The following NTRK1 variants were observed in gnomAD, a reference collection of about 807,000 sequenced individuals.
The protein encoded by NTRK1 is neurotrophic receptor tyrosine kinase 1.
NTRK1 carries 62 observed loss-of-function variants against 86.8 expected under a neutral mutation model. The ratio of observed to expected loss-of-function variants is 0.71; its 90% CI spans 0.58 to 0.88. The LOEUF (loss-of-function observed/expected upper bound fraction) is 0.88, where lower values mean the gene tolerates loss of function less well. Ranked by LOEUF, NTRK1 falls within the 40% of genes least tolerant of loss-of-function variation. The pLI is 0.00. For missense variants in NTRK1, 967 were observed against 1,078.4 expected, an observed-to-expected ratio of 0.90 and a Z score of 1.45; for synonymous variants, 469 against 456.6, an observed-to-expected ratio of 1.03 and a Z score of -0.35.
intron 1 of NTRK1, among the ~76,000 whole-genome samples, chr1:156,832,941 C>A (rs1270141492): frequency 1.3e-5 from 2 of 152,242 alleles, no homozygotes; most frequent in Non-Finnish European, 2.9e-5. Flanking sequence ...CTTCTTCACC[C>A]ACTGCAGGAC....
At chr1:156,864,689 C>T (rs912435859) in intron 2 of NTRK1, 39 bp from the exon 3 acceptor site, 3 of 1,607,990 alleles carry the variant, frequency 1.9e-6, no homozygotes, top group Admixed American at 3.3e-5. Flanking sequence ...CCCAGAGTAG[C>T]TGAGACCTGG....
rs1655117281 is a variant in NTRK1 at position 156,849,202 on chromosome 1, A to C, written c.50+7009A>C. ...CTCCCTCCCCCGGGTGTGCGTGTCT[A>C]GTGTGTGGCCGCGTGTCCACCGGCA... On this transcript the variant is annotated intron_variant, in intron 2 of 16. Coordinates refer to the NTRK1 transcript ENST00000392302. 6 of 1,607,190 alleles carry C rather than the reference A, an allele frequency of 3.7e-6. No individual in the cohort carries two copies. The South Asian group carries it at 6.6e-5, about 18-fold the overall frequency.
chr1:156,856,896 G>T (rs1197735081), upstream of NTRK1, among the ~76,000 whole-genome samples: 1 of 152,016 alleles, frequency 6.6e-6, no homozygotes, highest in East Asian at 1.9e-4. Flanking sequence ...AGGACCTTCC[G>T]TGGCTCCCCA....
chr1:156,843,574 A>T (rs1654879295), intron 2 of NTRK1: 5 of 1,300,634 alleles, frequency 3.8e-6, no homozygotes, highest in Non-Finnish European at 5.6e-6. Context: ...AGGAGGAGGG[A>T]AGTTACTGAC....
rs776087801 is a variant in NTRK1 at position 156,873,637 on chromosome 1, G to A, written c.855G>A (p.Pro285=). Residue 285 remains proline (P), a synonymous_variant, in exon 8 of 17, where the codon CCG becomes CCA. Transcript: ENST00000524377. The part of the protein sequence containing the change: ...EVSVQVNVSF[P]ASVQLHTAVE... The stretch of plus-strand genomic sequence containing the variant: ...GTTGCTCTTTCTGGCCCACAGTCCC[G>A]GCCAGTGTGCAGCTGCACACGGCGG... 8.1e-6 allele frequency: 13 copies of A among 1,610,344 alleles called. No homozygotes were observed. The highest frequency in any genetic ancestry group is 6.7e-5 in the African/African-American group (5 of 74,764).
At chr1:156,828,207 T>C (rs887850306) in intron 1 of NTRK1, among the ~76,000 whole-genome samples, 10 of 152,236 alleles carry the variant, frequency 6.6e-5, no homozygotes, top group Non-Finnish European at 2.9e-5. Flanking sequence ...TGGTTTTTAA[T>C]ATATTATAGA....
rs1655606352 is a variant in NTRK1 at position 156,860,887 on chromosome 1, G to A, written c.-48G>A. The A allele has an allele frequency of 6.4e-6, 9 of 1,401,698 alleles. No homozygotes were observed. In the South Asian group the frequency reaches 1.1e-4, roughly 17 times the overall value. The allele number at this position is 1,401,698 out of a possible 1,614,324, so 86.8% of individuals were successfully genotyped here. A position where few individuals can be genotyped will look rare whatever the true frequency, so the allele number is the denominator to read the frequency against. On this transcript the variant is annotated 5_prime_UTR_variant, in exon 1 of 17. Transcript: ENST00000524377. ...GGGGGAGGCCTGGCAGCTGCAGCTGGGAGCGCACAGACGGCTGCCCCGCCT... is the reference window on the plus strand; with the variant it reads ...GGGGGAGGCCTGGCAGCTGCAGCTGAGAGCGCACAGACGGCTGCCCCGCCT...
intron 6 of NTRK1, 44 bp downstream of exon 6, chr1:156,868,691 G>A (rs974436606): frequency 6.5e-7 from 1 of 1,547,356 alleles, no homozygotes; most frequent in African/African-American, 1.4e-5. Context: ...TCCAGGCAGA[G>A]CACAGGGGAC....
intron 1 of NTRK1, among the ~76,000 whole-genome samples, chr1:156,819,239 C>G (rs970610984): frequency 6.6e-6 from 1 of 152,128 alleles, no homozygotes; most frequent in Admixed American, 6.5e-5. Context: ...AACTCCTGAC[C>G]TCAGGTGATC....
intron 1 of NTRK1, among the ~76,000 whole-genome samples, chr1:156,835,466 T>C (rs1207540782): frequency 6.6e-6 from 1 of 151,694 alleles, no homozygotes; most frequent in Non-Finnish European, 1.5e-5. Flanking sequence ...TGTTTTTCCC[T>C]GCATGAATAA....
chr1:156,852,595 G>A (rs1373520566), intron 2 of NTRK1, among the ~76,000 whole-genome samples: 2 of 152,220 alleles, frequency 1.3e-5, no homozygotes, highest in African/African-American at 2.4e-5. Flanking sequence ...TGTGTGCAGG[G>A]AGGGGCCGAC....
At chr1:156,865,766 G>A (rs908774135) in intron 3 of NTRK1, among the ~76,000 whole-genome samples, 1 of 152,158 alleles carries the variant, frequency 6.6e-6, no homozygotes, top group Non-Finnish European at 1.5e-5. Context: ...GGCCTTCTGA[G>A]GGCAGGAGTT....
At chr1:156,862,076 A>G (rs1655677672) in intron 1 of NTRK1, among the ~76,000 whole-genome samples, 1 of 152,040 alleles carries the variant, frequency 6.6e-6, no homozygotes, top group Admixed American at 6.6e-5. Flanking sequence ...CTGCTAGAAA[A>G]TCCTCCTCCT....
intron 2 of NTRK1, among the ~76,000 whole-genome samples, chr1:156,855,586 G>T (rs1332540302): frequency 6.6e-6 from 1 of 152,150 alleles, no homozygotes; most frequent in African/African-American, 2.4e-5. Context: ...ACTTTGGGAG[G>T]CCGAGGTGGG....
intron 3 of NTRK1, 120 bp from the exon 4 acceptor site, chr1:156,866,790 T>G: frequency 1.1e-6 from 1 of 914,422 alleles, no homozygotes; most frequent in Non-Finnish European, 1.7e-6. Flanking sequence ...TCTGGTTGCC[T>G]AGGCCGGGGC....
chr1:156,876,792 G>A (rs767541970), intron 14 of NTRK1, among the ~76,000 whole-genome samples: 11 of 152,212 alleles, frequency 7.2e-5, no homozygotes, highest in Non-Finnish European at 1.6e-4. Context: ...TAGTCAGGGA[G>A]GTTGCGATGG....
intron 16 of NTRK1, chr1:156,880,523 C>T: frequency 3.7e-6 from 1 of 272,842 alleles, no homozygotes; most frequent in Non-Finnish European, 7.1e-6. Context: ...CCCAACACTG[C>T]AGCAGGACGG....
chr1:156,843,043 C>T (rs1268477963), intron 2 of NTRK1: 1 of 1,614,132 alleles, frequency 6.2e-7, no homozygotes, highest in South Asian at 1.1e-5. Flanking sequence ...CAGAAGCTTC[C>T]TTGAGGAACT....
In NTRK1 at chr1:156,844,554, G is replaced by T. The variant is rs373559732; in HGVS notation, c.50+2361G>T. On this transcript the variant is annotated intron_variant, in intron 2 of 16. Coordinates refer to the NTRK1 transcript ENST00000392302. ...AACCCTGGCAGAGTAGTTTCCAGGG[G>T]GCAGCAGGGCCAGGTGGACTCCCCC... 5 of 1,614,188 alleles carry T rather than the reference G, an allele frequency of 3.1e-6. No homozygotes were observed. In the South Asian group the frequency reaches 5.5e-5, roughly 18 times the overall value.
Sources: allele counts gnomAD v4.1 joint callset (sites outside exome capture counted in the v4.1 genomes callset), GRCh38; gene constraint gnomAD v4.1.1; transcripts MANE v1.5; gene names NCBI Gene and HGNC (gene_info 2026-07-23, HGNC 2026-07-21).